IDNK: variants seen among roughly 807,000 people sequenced by gnomAD.
The protein encoded by IDNK is gluconokinase.
Under a neutral mutation model 13.0 loss-of-function variants are expected in IDNK, and 9 were observed. That is an observed-to-expected ratio of 0.69 (90% CI 0.42 to 1.21). The LOEUF is 1.21. IDNK is among the 50% of genes most tolerant of loss of function. The pLI is 0.00. For missense variants in IDNK, 210 were observed against 237.8 expected (o/e 0.88, Z 0.77); for synonymous variants, 92 against 94.9 (o/e 0.97, Z 0.18).
chr9:83,623,568 T>G (rs1025091023), intron 1 of IDNK: 7 of 282,084 alleles, frequency 2.5e-5, no homozygotes, highest in Non-Finnish European at 4.1e-5. Context: ...CGGGGCGCCT[T>G]GTCGGGGCCA....
upstream of IDNK, chr9:83,623,114 C>A (rs968087357): frequency 2.7e-5 from 37 of 1,365,662 alleles, no homozygotes; most frequent in South Asian, 3.1e-4. Context: ...CCTCGAGCGC[C>A]GGGTAGGCCG....
chr9:83,641,947 CAG>C (rs1341944044), intron 4 of IDNK, among the ~76,000 whole-genome samples: 2 of 152,194 alleles, frequency 1.3e-5, no homozygotes, highest in African/African-American at 4.8e-5. Context: ...GAGTGGGCAA[CAG>C]AACAATATCT....
intron 3 of IDNK, among the ~76,000 whole-genome samples, chr9:83,637,853 TA>T (rs375690708): frequency 2.0e-5 from 3 of 152,280 alleles, no homozygotes; most frequent in African/African-American, 7.2e-5. Context: ...AGTCCTCATA[TA>T]AGGGCTGTCT....
chr9:83,625,212 A>G (rs941612415), intron 1 of IDNK, among the ~76,000 whole-genome samples: 7 of 152,228 alleles, frequency 4.6e-5, no homozygotes, highest in African/African-American at 1.7e-4. Context: ...GTCAAGGATG[A>G]TTCAAGATTT....
At chr9:83,641,645 C>G in intron 4 of IDNK, 54 bp downstream of exon 4, 1 of 1,571,002 alleles carries the variant, frequency 6.4e-7, no homozygotes, top group Non-Finnish European at 8.7e-7. Flanking sequence ...AAAGAAAACC[C>G]TCAGAAAAGA....
intron 1 of IDNK, chr9:83,626,832 T>C (rs918239984): frequency 5.4e-6 from 6 of 1,109,128 alleles, no homozygotes; most frequent in African/African-American, 5.1e-5. Flanking sequence ...CAGCCTTCAA[T>C]AGAATGAACT....
intron 1 of IDNK, chr9:83,626,714 C>T (rs1229156774): frequency 1.6e-6 from 2 of 1,264,836 alleles, no homozygotes; most frequent in Non-Finnish European, 2.0e-6. Context: ...AAGGGCTCAA[C>T]CTAACTTGGT....
intron 3 of IDNK, among the ~76,000 whole-genome samples, chr9:83,629,263 T>C (rs1040768624): frequency 6.6e-6 from 1 of 152,182 alleles, no homozygotes; most frequent in Non-Finnish European, 1.5e-5. Context: ...CTGTGCCTCA[T>C]ACATGGGGAA....
intron 1 of IDNK, among the ~76,000 whole-genome samples, chr9:83,627,758 T>C (rs1467600448): frequency 2.0e-5 from 3 of 151,328 alleles, no homozygotes; most frequent in African/African-American, 4.9e-5. Context: ...TCCTGAACTT[T>C]ACATGGGTGC....
intron 3 of IDNK, among the ~76,000 whole-genome samples, chr9:83,638,805 A>C (rs1831226853): frequency 6.6e-6 from 1 of 151,418 alleles, no homozygotes; most frequent in African/African-American, 2.5e-5. Flanking sequence ...ATTCACAAGT[A>C]AGCACAAAAT....
intron 3 of IDNK, among the ~76,000 whole-genome samples, chr9:83,631,509 G>C (rs1266259853): frequency 6.8e-6 from 1 of 146,190 alleles, no homozygotes; most frequent in Non-Finnish European, 1.5e-5. Flanking sequence ...CTACTCGGGA[G>C]GCTAAGGTGG....
At chr9:83,641,499 A>G (rs1418661203) in intron 3 of IDNK, 49 bp from the exon 4 acceptor site, 1 of 1,594,584 alleles carries the variant, frequency 6.3e-7, no homozygotes, top group Non-Finnish European at 8.6e-7. Context: ...AACAAACAAT[A>G]CCTGGAGAAG....
At chr9:83,637,970 C>A (rs1171886267) in intron 3 of IDNK, among the ~76,000 whole-genome samples, 2 of 152,130 alleles carry the variant, frequency 1.3e-5, no homozygotes, top group Non-Finnish European at 2.9e-5. Context: ...CCTTGAGAAA[C>A]CTGAGCTCCG....
At chr9:83,630,983 G>A (rs997552632) in intron 3 of IDNK, among the ~76,000 whole-genome samples, 4 of 152,138 alleles carry the variant, frequency 2.6e-5, no homozygotes, top group African/African-American at 7.2e-5. Context: ...GAGGTAGAAC[G>A]ACAGATGGTT....
intron 1 of IDNK, 161 bp downstream of exon 1, chr9:83,623,382 C>A: frequency 1.5e-6 from 1 of 684,964 alleles, no homozygotes; most frequent in Non-Finnish European, 2.4e-6. Flanking sequence ...GCGCCCTCTC[C>A]CCGCCCTCCA....
intron 1 of IDNK, among the ~76,000 whole-genome samples, chr9:83,625,952 G>A (rs533627646): frequency 6.6e-6 from 1 of 152,240 alleles, no homozygotes; most frequent in Non-Finnish European, 1.5e-5. Flanking sequence ...AGGCATCTGA[G>A]TGGGTGGCAG....
At chr9:83,636,629 C>T (rs1338725966) in intron 3 of IDNK, among the ~76,000 whole-genome samples, 1 of 152,124 alleles carries the variant, frequency 6.6e-6, no homozygotes, top group Non-Finnish European at 1.5e-5. Context: ...CTCATATATT[C>T]TAACATTAAT....
intron 4 of IDNK, among the ~76,000 whole-genome samples, chr9:83,642,005 T>C (rs982409118): frequency 6.6e-6 from 1 of 152,234 alleles, no homozygotes; most frequent in Non-Finnish European, 1.5e-5. Flanking sequence ...GCCACTTCTG[T>C]TATTGCCTAT....
At chr9:83,628,323 C>G in intron 2 of IDNK, 112 bp downstream of exon 2, 1 of 936,830 alleles carries the variant, frequency 1.1e-6, no homozygotes, top group Non-Finnish European at 1.7e-6. Context: ...GCTTTGAACC[C>G]CACTGGAGCA....
Sources: gnomAD v4.1 joint callset for allele counts (sites outside exome capture counted in the v4.1 genomes callset) on GRCh38, gnomAD v4.1.1 for gene constraint, MANE v1.5 for transcripts, NCBI Gene and HGNC (gene_info 2026-07-23, HGNC 2026-07-21) for gene names.